Variants in CLTC observed in about 807,000 individuals in gnomAD.
CLTC encodes the protein clathrin heavy chain.
In CLTC, 16 loss-of-function variants were observed where a neutral mutation model predicts 195.8. The ratio of observed to expected loss-of-function variants is 0.08; its 90% CI spans 0.06 to 0.12. The LOEUF (loss-of-function observed/expected upper bound fraction) is 0.12, where lower values mean the gene tolerates loss of function less well. Ranked by LOEUF, CLTC falls within the 10% of genes least tolerant of loss-of-function variation. The pLI is 1.00. For synonymous variants in CLTC, 667 were observed against 689.4 expected (o/e 0.97, Z 0.51); for missense variants, 796 against 2,027.0 (o/e 0.39, Z 11.66).
In CLTC at chr17:59,666,793, G is replaced by A; in HGVS notation, c.1948-4G>A. 1.9e-6 allele frequency: 3 copies of A among 1,606,716 alleles called. No homozygotes were observed. The highest frequency in any genetic ancestry group is 2.2e-5 in the East Asian group (1 of 44,806). On this transcript the variant is annotated splice_region_variant and splice_polypyrimidine_tract_variant and intron_variant, in intron 12 of 31. Coordinates refer to ENST00000269122, the MANE Select transcript of CLTC (RefSeq NM_004859.4). The surrounding 1 kb of genome is among the most constrained non-coding windows in gnomAD (Gnocchi z 4.9). ...TTCATTCATTCATTTATTTTGTCTT[G>A]TAGTGGTTAGTCAACTACTTTGGTT...
intron 9 of CLTC, chr17:59,664,580 AAAG>A (rs2032685245): frequency 2.1e-6 from 1 of 465,204 alleles, no homozygotes; most frequent in Admixed American, 3.8e-5. Flanking sequence ...AAAGAAAAGA[AAAG>A]AAAATGGATA....
At position 59,685,041 on chromosome 17, in the gene CLTC, C is replaced by CTT. The variant is rs567422985; in HGVS notation, c.4435-5_4435-4dup. 122 of 1,122,276 alleles carry CTT rather than the reference C, an allele frequency of 1.1e-4. No individual in the cohort carries two copies. Among genetic ancestry groups the CTT allele is most frequent in the South Asian group, 4.0e-4 (23 of 57,550 alleles). 69.5% of individuals were successfully genotyped at this position (1,122,276 alleles called of 1,614,324 possible). On this transcript the variant is annotated splice_polypyrimidine_tract_variant and intron_variant, in intron 28 of 31. Transcript: ENST00000269122. The surrounding 1 kb of genome is among the most constrained non-coding windows in gnomAD (Gnocchi z 5.0). Reference sequence around the variant, plus strand: ...AAATACTGATCTGGCATTTGGATGGCTTTTTTTTTTTAAGGCTCTGCGAAC... The same window carrying CTT: ...AAATACTGATCTGGCATTTGGATGGCTTTTTTTTTTTTTAAGGCTCTGCGAAC...
intron 14 of CLTC, among the ~76,000 whole-genome samples, chr17:59,670,564 A>T (rs1201885664): frequency 6.6e-6 from 1 of 152,012 alleles, no homozygotes; most frequent in East Asian, 1.9e-4. Context: ...TTCCTGTGTT[A>T]ATACTACCAG....
At chr17:59,678,821 C>G (rs770961551) in intron 17 of CLTC, among the ~76,000 whole-genome samples, 1 of 146,954 alleles carries the variant, frequency 6.8e-6, no homozygotes, top group East Asian at 2.0e-4. Context: ...GGCAACATAG[C>G]GAGCCCCCCG....
At chr17:59,678,096 A>G (rs1355211258) in intron 17 of CLTC, among the ~76,000 whole-genome samples, 1 of 152,140 alleles carries the variant, frequency 6.6e-6, no homozygotes, top group Non-Finnish European at 1.5e-5. Flanking sequence ...AAAAAACAGA[A>G]TGTGTCTCAC....
At chr17:59,634,897 T>G (rs970963163) in intron 1 of CLTC, among the ~76,000 whole-genome samples, 5 of 152,248 alleles carry the variant, frequency 3.3e-5, no homozygotes, top group Admixed American at 2.0e-4. Context: ...ATGAAGTGAC[T>G]GCTGTCAGCA....
At chr17:59,638,753 A>G (rs569403812) in intron 1 of CLTC, among the ~76,000 whole-genome samples, 1 of 152,274 alleles carries the variant, frequency 6.6e-6, no homozygotes, top group South Asian at 2.1e-4. Flanking sequence ...ATGACTGCTC[A>G]TTGGCTGCTC....
chr17:59,657,861 CA>C (rs2032510170), intron 6 of CLTC, among the ~76,000 whole-genome samples: 3 of 148,440 alleles, frequency 2.0e-5, no homozygotes, highest in Admixed American at 2.0e-4. Context: ...GTTGTGAAGC[CA>C]GGGGCTTTTT....
At chr17:59,673,813 T>A (rs747452348) in intron 15 of CLTC, 41 bp downstream of exon 15, 4 of 957,090 alleles carry the variant, frequency 4.2e-6, no homozygotes, top group Non-Finnish European at 6.5e-6. Flanking sequence ...AATCTTACTA[T>A]AGATTTTATT....
At chr17:59,628,288 A>T (rs868402899) in intron 1 of CLTC, among the ~76,000 whole-genome samples, 15 of 152,210 alleles carry the variant, frequency 9.9e-5, no homozygotes, top group African/African-American at 2.7e-4. Context: ...TCAGGTTTTC[A>T]ACTTGTCTCA....
At chr17:59,693,562 G>C (rs2033357853) in intron 31 of CLTC, among the ~76,000 whole-genome samples, 166 bp from the exon 32 acceptor site, 1 of 152,110 alleles carries the variant, frequency 6.6e-6, no homozygotes, top group Non-Finnish European at 1.5e-5. Context: ...CTTAGAGTAA[G>C]ACTGTCATGC....
At position 59,695,552 on chromosome 17, in the gene CLTC, G is replaced by A. The variant is rs145089182; in HGVS notation, c.*1700G>A. On this transcript the variant is annotated 3_prime_UTR_variant, in exon 32 of 32. Transcript: ENST00000269122. Reference sequence around the variant, plus strand: ...CCTATAAGATCCTAGCTGCTACTCAGGAGGCAGGAGGCTGAGGCATGAGAA... The same window carrying A: ...CCTATAAGATCCTAGCTGCTACTCAAGAGGCAGGAGGCTGAGGCATGAGAA... 3.2e-3 allele frequency: 578 copies of A among 177,952 alleles called. 4 individuals are homozygous for A. Among genetic ancestry groups the A allele is most frequent in the African/African-American group, 0.012 (519 of 42,356 alleles). 11.0% of individuals were successfully genotyped at this position (177,952 alleles called of 1,614,324 possible).
intron 1 of CLTC, among the ~76,000 whole-genome samples, chr17:59,622,603 G>A (rs2031417087): frequency 6.6e-6 from 1 of 152,024 alleles, no homozygotes; most frequent in Admixed American, 6.5e-5. Context: ...TCGAATGCCT[G>A]GGCTCAAGCA....
At chr17:59,653,191 AT>A (rs375773444) in intron 5 of CLTC, among the ~76,000 whole-genome samples, 4,863 of 147,866 alleles carry the variant, frequency 0.033, 113 homozygotes, top group Non-Finnish European at 0.048. Flanking sequence ...TTATTTATTT[AT>A]TTTATTTATT....
intron 1 of CLTC, among the ~76,000 whole-genome samples, chr17:59,639,494 C>G (rs1598208037): frequency 6.6e-6 from 1 of 152,048 alleles, no homozygotes; most frequent in African/African-American, 2.4e-5. Flanking sequence ...TAGGATATCT[C>G]CAGCTTCAAC....
intron 16 of CLTC, among the ~76,000 whole-genome samples, chr17:59,675,420 A>G (rs569592926): frequency 1.3e-5 from 2 of 152,190 alleles, no homozygotes; most frequent in South Asian, 4.1e-4. Context: ...GTGTTTAGGA[A>G]GTACTGATGT....
At position 59,682,293 on chromosome 17, in the gene CLTC, G is replaced by A. The variant is rs1567970011; in HGVS notation, c.3465G>A (p.Lys1155=). ...NTSGNWEELV[K]YLQMARKKAR... is the part of the protein sequence containing the mutation. The stretch of plus-strand genomic sequence containing the variant: ...TAGGAAACTGGGAAGAACTGGTGAA[G>A]TACTTGCAGATGGCCCGTAAGAAGG... The change falls in exon 22 of 32, where the codon AAG becomes AAA. Residue 1155 remains lysine (K), a synonymous_variant. Coordinates refer to ENST00000269122, the MANE Select transcript of CLTC (RefSeq NM_004859.4). The surrounding 1 kb of genome is among the most constrained non-coding windows in gnomAD (Gnocchi z 6.8). The A allele has an allele frequency of 1.9e-6, 3 of 1,614,052 alleles. No homozygotes were observed. Among genetic ancestry groups the A allele is most frequent in the Non-Finnish European group, 2.5e-6 (3 of 1,179,922 alleles).
chr17:59,685,330 G>C lies in CLTC; in HGVS notation c.4605+104G>C, dbSNP rs1338736233. 3 of 1,191,900 alleles carry C rather than the reference G, an allele frequency of 2.5e-6. No individual in the cohort carries two copies. Among genetic ancestry groups the C allele is most frequent in the African/African-American group, 1.6e-5 (1 of 64,144 alleles). 73.8% of individuals were successfully genotyped at this position (1,191,900 alleles called of 1,614,324 possible). ...AAGTATTGGTTTTGTGAATATGAGA[G>C]CTGACTTTAAGGCAATTTAAGTTAA... On this transcript the variant is annotated intron_variant, in intron 29 of 31. Coordinates refer to ENST00000269122, the MANE Select transcript of CLTC (RefSeq NM_004859.4). The surrounding 1 kb of genome is among the most constrained non-coding windows in gnomAD (Gnocchi z 5.0).
intron 5 of CLTC, 114 bp from the exon 6 acceptor site, chr17:59,655,740 A>G (rs2032450844): frequency 3.8e-6 from 3 of 796,712 alleles, no homozygotes; most frequent in Non-Finnish European, 5.5e-6. Flanking sequence ...TAATTTTTCA[A>G]ATAACCCTCT....
Sources: gnomAD v4.1 joint callset for allele counts (sites outside exome capture counted in the v4.1 genomes callset) on GRCh38, gnomAD v4.1.1 for gene constraint, Gnocchi (gnomAD v3.1) non-coding constraint, MANE v1.5 for transcripts, NCBI Gene and HGNC (gene_info 2026-07-23, HGNC 2026-07-21) for gene names.